TASP1: variants seen among roughly 807,000 people sequenced by gnomAD.
TASP1 encodes the protein taspase 1, also known as threonine aspartase 1.
Under a neutral mutation model 56.6 loss-of-function variants are expected in TASP1, and 16 were observed. The ratio of observed to expected loss-of-function variants is 0.28; its 90% CI spans 0.19 to 0.43. The LOEUF (loss-of-function observed/expected upper bound fraction) is 0.43. Among genes scored for constraint, TASP1 ranks in the 20% least tolerant of loss-of-function variants. The pLI is 1.00. For missense variants in TASP1, 393 were observed against 511.6 expected (o/e 0.77, Z 2.24); for synonymous variants, 179 against 184.2 (o/e 0.97, Z 0.23).
intron 6 of TASP1, among the ~76,000 whole-genome samples, chr20:13,577,985 T>C (rs769771822): frequency 6.6e-6 from 1 of 152,222 alleles, no homozygotes; most frequent in Non-Finnish European, 1.5e-5. Flanking sequence ...TCATGTGCTG[T>C]ACAAGCCTTC....
At chr20:13,227,090 T>G in the TASP1 span, among the ~76,000 whole-genome samples, 3 of 152,378 alleles carry the variant, frequency 2.0e-5, no homozygotes, top group South Asian at 6.2e-4. Context: ...GAATACTTTT[T>G]TGTGTCATAT....
chr20:13,326,674 G>A, the TASP1 span, among the ~76,000 whole-genome samples: 1 of 152,064 alleles, frequency 6.6e-6, no homozygotes, highest in Non-Finnish European at 1.5e-5. Context: ...GGTATGCCCA[G>A]TCAGGTCTTT....
intron 9 of TASP1, among the ~76,000 whole-genome samples, chr20:13,529,638 A>G (rs1390188831): frequency 6.6e-6 from 1 of 152,206 alleles, no homozygotes; most frequent in Non-Finnish European, 1.5e-5. Flanking sequence ...CATATTGTTG[A>G]ATTGAAAACA....
chr20:13,209,943 G>C, the TASP1 span, among the ~76,000 whole-genome samples: 1 of 152,182 alleles, frequency 6.6e-6, no homozygotes, highest in Admixed American at 6.5e-5. Context: ...CAAGCATCCA[G>C]ATCAAGATGG....
the TASP1 span, among the ~76,000 whole-genome samples, chr20:13,268,337 CCTTCTT>C: frequency 7.0e-6 from 1 of 143,476 alleles, no homozygotes; most frequent in Non-Finnish European, 1.5e-5. Flanking sequence ...TTCTCCTTCT[CCTTCTT>C]CTTCCTCTCT....
the TASP1 span, among the ~76,000 whole-genome samples, chr20:13,363,444 C>G: frequency 5.3e-5 from 8 of 152,192 alleles, no homozygotes; most frequent in Admixed American, 5.2e-4. Context: ...CTGTATATAG[C>G]TGTTCATCTG....
At chr20:13,275,967 T>C in the TASP1 span, among the ~76,000 whole-genome samples, 1 of 152,204 alleles carries the variant, frequency 6.6e-6, no homozygotes, top group African/African-American at 2.4e-5. Flanking sequence ...GTGCTGCAAG[T>C]CTCAAAGCAG....
At chr20:13,171,583 A>G in the TASP1 span, among the ~76,000 whole-genome samples, 1 of 152,208 alleles carries the variant, frequency 6.6e-6, no homozygotes, top group East Asian at 1.9e-4. Context: ...ATTTTATTAA[A>G]GTGGGTCCAT....
At chr20:13,485,162 T>C (rs2043280310) in intron 10 of TASP1, among the ~76,000 whole-genome samples, 1 of 152,098 alleles carries the variant, frequency 6.6e-6, no homozygotes, top group African/African-American at 2.4e-5. Context: ...ACAGGAGCCA[T>C]TAGGACCTTC....
chr20:13,451,276 T>C (rs868580557), intron 11 of TASP1, among the ~76,000 whole-genome samples: 18 of 152,188 alleles, frequency 1.2e-4, no homozygotes, highest in Middle Eastern at 3.4e-3. Context: ...TTGGCTTCAA[T>C]TGAAAATCAC....
intron 10 of TASP1, among the ~76,000 whole-genome samples, chr20:13,509,478 T>G (rs1041217431): frequency 6.6e-6 from 1 of 152,064 alleles, no homozygotes; most frequent in East Asian, 1.9e-4. Context: ...GCTGAGAGAG[T>G]AGATCTTTAT....
At chr20:13,516,916 A>G (rs2044560394) in intron 10 of TASP1, among the ~76,000 whole-genome samples, 1 of 152,010 alleles carries the variant, frequency 6.6e-6, no homozygotes, top group Admixed American at 6.6e-5. Context: ...AAGACATTTC[A>G]GTGAGTGTAG....
At chr20:13,421,365 G>T (rs6042087) in intron 12 of TASP1, among the ~76,000 whole-genome samples, 9,652 of 150,246 alleles carry the variant, frequency 0.064, 455 homozygotes, top group African/African-American at 0.14. Context: ...ATGGGCCACC[G>T]CACCTGGCCT....
chr20:13,462,198 C>T (rs2146355307), intron 11 of TASP1, among the ~76,000 whole-genome samples: 1 of 152,220 alleles, frequency 6.6e-6, no homozygotes, highest in East Asian at 1.9e-4. Flanking sequence ...ACATAAGTAG[C>T]TTTTAAAGAG....
intron 11 of TASP1, among the ~76,000 whole-genome samples, chr20:13,468,690 C>T (rs2044355692): frequency 6.6e-6 from 1 of 152,054 alleles, no homozygotes; most frequent in Admixed American, 6.6e-5. Context: ...TTGCTTCTTG[C>T]AACATTATAA....
At chr20:13,452,137 C>G (rs2043645068) in intron 11 of TASP1, among the ~76,000 whole-genome samples, 1 of 151,948 alleles carries the variant, frequency 6.6e-6, no homozygotes, top group Admixed American at 6.6e-5. Context: ...ACTATCAGCA[C>G]AGATACAGTA....
the TASP1 span, among the ~76,000 whole-genome samples, chr20:13,183,390 T>C: frequency 1.3e-5 from 2 of 152,252 alleles, no homozygotes; most frequent in Non-Finnish European, 2.9e-5. Context: ...TGCTTTAAGC[T>C]ATTAATGTTT....
At chr20:13,108,308 CT>C in the TASP1 span, among the ~76,000 whole-genome samples, 1 of 152,206 alleles carries the variant, frequency 6.6e-6, no homozygotes, top group African/African-American at 2.4e-5. Context: ...AAAGAACTAT[CT>C]TGTGGCCTCA....
At chr20:13,134,111 G>A in the TASP1 span, among the ~76,000 whole-genome samples, 1 of 152,186 alleles carries the variant, frequency 6.6e-6, no homozygotes, top group African/African-American at 2.4e-5. Flanking sequence ...TACGTACCAT[G>A]CACAGGTGCA....
Sources: gnomAD v4.1 joint callset for allele counts (sites outside exome capture counted in the v4.1 genomes callset) on GRCh38, gnomAD v4.1.1 for gene constraint, MANE v1.5 for transcripts, NCBI Gene and HGNC (gene_info 2026-07-23, HGNC 2026-07-21) for gene names.